TBC1D8: variants seen among roughly 807,000 people sequenced by gnomAD.
The protein encoded by TBC1D8 is BUB2-like protein 1.
In TBC1D8, 65 loss-of-function variants were observed where a neutral mutation model predicts 118.8. The ratio of observed to expected loss-of-function variants is 0.55; its 90% CI spans 0.45 to 0.67. The LOEUF (loss-of-function observed/expected upper bound fraction) is 0.67. Among genes scored for constraint, TBC1D8 ranks in the 30% least tolerant of loss-of-function variants. The pLI, the probability that TBC1D8 is intolerant of heterozygous loss-of-function variation, is 0.00. For synonymous variants in TBC1D8, 566 were observed against 595.8 expected (o/e 0.95, Z 0.73); for missense variants, 1,376 against 1,471.2 (o/e 0.94, Z 1.06).
intron 19 of TBC1D8, among the ~76,000 whole-genome samples, chr2:101,010,364 A>G (rs1182144640): frequency 1.3e-5 from 2 of 152,194 alleles, no homozygotes; most frequent in East Asian, 3.9e-4. Flanking sequence ...TCTACCTCCC[A>G]GAGGAATAAA....
chr2:101,139,085 T>C (rs1276952136), intron 1 of TBC1D8, among the ~76,000 whole-genome samples: 1 of 152,040 alleles, frequency 6.6e-6, no homozygotes, highest in African/African-American at 2.4e-5. Context: ...GATTCTTCCA[T>C]GCATTTTTTT....
At chr2:101,123,478 GC>G (rs909731751) in intron 1 of TBC1D8, among the ~76,000 whole-genome samples, 2 of 152,220 alleles carry the variant, frequency 1.3e-5, no homozygotes, top group African/African-American at 4.8e-5. Flanking sequence ...TGGAGCCACT[GC>G]CCCAAGATGC....
At chr2:101,024,899 A>G (rs1215828969) in intron 15 of TBC1D8, among the ~76,000 whole-genome samples, 1 of 152,216 alleles carries the variant, frequency 6.6e-6, no homozygotes, top group African/African-American at 2.4e-5. Context: ...GTCACTCAAG[A>G]GATGAATAAT....
Position 101,007,812 on chromosome 2 carries a change from G to GCTGT in TBC1D8, c.*5_*8dup, listed in dbSNP as rs767976406. 6 of 1,611,918 alleles carry GCTGT rather than the reference G, an allele frequency of 3.7e-6. No homozygotes were observed. In the South Asian group the frequency reaches 6.6e-5, roughly 18 times the overall value. On this transcript the variant is annotated 3_prime_UTR_variant, in exon 20 of 20. Coordinates refer to ENST00000409318, the MANE Select transcript of TBC1D8 (RefSeq NM_001330348.2). ...GTGGACTCCAGTGTGCATAGCAGCT[G>GCTGT]CTGTCTTGCTACAAGTTACTCAGCT...
At chr2:101,016,957 G>A (rs1274627191) in intron 17 of TBC1D8, among the ~76,000 whole-genome samples, 1 of 151,914 alleles carries the variant, frequency 6.6e-6, no homozygotes, top group African/African-American at 2.4e-5. Context: ...GATAGCATTA[G>A]GAGATATACC....
At chr2:101,044,337 A>C (rs1457387533) in intron 5 of TBC1D8, among the ~76,000 whole-genome samples, 1 of 152,246 alleles carries the variant, frequency 6.6e-6, no homozygotes, top group Non-Finnish European at 1.5e-5. Context: ...GTGACTTTGA[A>C]AAAATGAGAA....
At chr2:101,110,121 G>T in intron 1 of TBC1D8, 2 of 615,794 alleles carry the variant, frequency 3.2e-6, no homozygotes, top group African/African-American at 2.0e-5. Context: ...CCAAATAGAG[G>T]CCTACTAATA....
intron 1 of TBC1D8, among the ~76,000 whole-genome samples, chr2:101,142,503 A>G (rs1679148854): frequency 6.6e-6 from 1 of 152,182 alleles, no homozygotes; most frequent in Non-Finnish European, 1.5e-5. Flanking sequence ...TAAAACAACT[A>G]CAACCCAAAT....
intron 5 of TBC1D8, among the ~76,000 whole-genome samples, chr2:101,043,609 A>G (rs1244513749): frequency 3.9e-5 from 6 of 152,118 alleles, no homozygotes; most frequent in African/African-American, 9.7e-5. Flanking sequence ...GAGTACTTGT[A>G]TTTACATTTA....
In TBC1D8 at chr2:101,122,383, C is replaced by CAAAAAAAAAAAAAAAAAAA. The variant is rs70943064; in HGVS notation, c.127+28725_127+28743dup. 5.3e-4 allele frequency among the ~76,000 whole-genome samples: 38 copies of CAAAAAAAAAAAAAAAAAAA among 71,936 alleles called. 1 individual carries two copies. Among genetic ancestry groups the CAAAAAAAAAAAAAAAAAAA allele is most frequent in the Non-Finnish European group, 8.4e-4 (30 of 35,816 alleles). The allele number at this position is 71,936 out of a possible 152,430, so 47.2% of individuals were successfully genotyped here. ...ACCGCGCCCGGCCAAGACTCCATTT[C>CAAAAAAAAAAAAAAAAAAA]AAAAAAAAAAAAAAAAAAAAAAAAA... On this transcript the variant is annotated intron_variant, in intron 1 of 19. Transcript: ENST00000409318.
chr2:101,033,567 T>C lies in TBC1D8; in HGVS notation c.1795A>G (p.Asn599Asp). 6.2e-7 allele frequency: 1 copy of C among 1,613,898 alleles called. No homozygotes were observed. Among genetic ancestry groups the C allele is most frequent in the Non-Finnish European group, 8.5e-7 (1 of 1,179,868 alleles). The change falls in exon 10 of 20, where the codon AAC becomes GAC. Residue 599 changes from asparagine to aspartate, a missense_variant. Coordinates refer to ENST00000409318, the MANE Select transcript of TBC1D8 (RefSeq NM_001330348.2). ...RRVLTAYAHRNPKIGYCQSMN... is the reference protein window; with the variant it reads ...RRVLTAYAHRDPKIGYCQSMN... Reference sequence around the variant, plus strand: ...ACCTGGCAGTATCCAATCTTGGGGTTCCGGTGGGCATAGGCCGTCAAGACT... The same window carrying C: ...ACCTGGCAGTATCCAATCTTGGGGTCCCGGTGGGCATAGGCCGTCAAGACT...
intron 19 of TBC1D8, 132 bp from the exon 20 acceptor site, chr2:101,008,405 C>G: frequency 4.1e-6 from 3 of 739,526 alleles, no homozygotes; most frequent in South Asian, 2.3e-5. Context: ...AAAAGGTAGT[C>G]TCTGCCTTTC....
chr2:101,091,788 G>A (rs1235758806), intron 1 of TBC1D8, among the ~76,000 whole-genome samples: 3 of 152,174 alleles, frequency 2.0e-5, no homozygotes, highest in South Asian at 2.1e-4. Context: ...TGGCTGAGAA[G>A]ATTAGGTCTT....
chr2:101,050,517 C>T lies in TBC1D8; in HGVS notation c.756G>A (p.Leu252=). ...GCTCCATGACCTTAAACACCTCATC[C>T]AGGTTCAGGAACATGGAGAAGTCAC... The part of the protein sequence containing the change: ...KERDFSMFLN[L]DEVFKVMEQL... Residue 252 remains leucine (L), a synonymous_variant, in exon 5 of 20, where the codon CTG becomes CTA. Transcript: ENST00000409318. 2.5e-6 allele frequency: 4 copies of T among 1,613,976 alleles called. No individual in the cohort carries two copies. In the South Asian group the frequency reaches 4.4e-5, roughly 18 times the overall value.
At chr2:101,037,815 G>A in intron 7 of TBC1D8, 107 bp from the exon 8 acceptor site, 2 of 1,343,108 alleles carry the variant, frequency 1.5e-6, no homozygotes, top group East Asian at 2.3e-5. Flanking sequence ...GGGCATAGCA[G>A]ACTTCAATGA....
chr2:101,145,355 G>A (rs1335609806), intron 1 of TBC1D8, among the ~76,000 whole-genome samples: 1 of 152,124 alleles, frequency 6.6e-6, no homozygotes, highest in African/African-American at 2.4e-5. Flanking sequence ...TCCTTTACTT[G>A]TGGTTTCTTC....
intron 17 of TBC1D8, among the ~76,000 whole-genome samples, chr2:101,012,163 A>C (rs192909664): frequency 1.3e-5 from 2 of 152,346 alleles, no homozygotes; most frequent in African/African-American, 4.8e-5. Context: ...GGCAGTTTTT[A>C]AAAAAGTTAA....
intron 2 of TBC1D8, among the ~76,000 whole-genome samples, chr2:101,076,887 C>T (rs551580715): frequency 1.1e-4 from 17 of 152,274 alleles, no homozygotes; most frequent in African/African-American, 3.1e-4. Context: ...CCGAGACTCA[C>T]GGTTCTGCAG....
chr2:101,112,199 C>A (rs964781111), intron 1 of TBC1D8, among the ~76,000 whole-genome samples: 2 of 152,186 alleles, frequency 1.3e-5, no homozygotes, highest in Non-Finnish European at 1.5e-5. Context: ...ATATCATGCT[C>A]AAACACATGA....
Sources: allele counts gnomAD v4.1 joint callset (sites outside exome capture counted in the v4.1 genomes callset), GRCh38; gene constraint gnomAD v4.1.1; transcripts MANE v1.5; gene names NCBI Gene and HGNC (gene_info 2026-07-23, HGNC 2026-07-21).